The following CAST variants were observed in gnomAD, a reference collection of about 807,000 sequenced individuals.
The protein encoded by CAST is MIR583 host.
Under a neutral mutation model 119.6 loss-of-function variants are expected in CAST, and 76 were observed. The ratio of observed to expected loss-of-function variants is 0.64; its 90% CI spans 0.53 to 0.77. The LOEUF (loss-of-function observed/expected upper bound fraction) is 0.77, where lower values mean the gene tolerates loss of function less well. CAST is among the 30% of genes least tolerant of loss of function. The pLI, the probability that CAST is intolerant of heterozygous loss-of-function variation, is 0.00. For missense variants in CAST, 953 were observed against 946.5 expected (o/e 1.01, Z -0.09); for synonymous variants, 319 against 331.6 (o/e 0.96, Z 0.41).
chr5:96,337,594 G>T, the CAST span, among the ~76,000 whole-genome samples: 2 of 152,148 alleles, frequency 1.3e-5, no homozygotes, highest in African/African-American at 4.8e-5. Flanking sequence ...AGGGATCTGG[G>T]GACACCAGCT....
chr5:96,637,860 A>G (rs948316312), intron 1 of CAST, among the ~76,000 whole-genome samples: 1 of 152,230 alleles, frequency 6.6e-6, no homozygotes, highest in African/African-American at 2.4e-5. Flanking sequence ...TCAAAGATTT[A>G]AAGATTGGCC....
chr5:96,418,154 A>G, the CAST span, among the ~76,000 whole-genome samples: 4 of 152,228 alleles, frequency 2.6e-5, no homozygotes, highest in Admixed American at 6.5e-5. Flanking sequence ...ACAAATATGC[A>G]TTGACATGTT....
At chr5:96,635,223 G>A (rs138201358) in intron 1 of CAST, among the ~76,000 whole-genome samples, 7 of 152,292 alleles carry the variant, frequency 4.6e-5, no homozygotes, top group East Asian at 1.9e-4. Context: ...CCTGAGAAAG[G>A]CATTTTTGCT....
chr5:96,538,109 C>A (rs1031824000), intron 1 of CAST, among the ~76,000 whole-genome samples: 16 of 152,262 alleles, frequency 1.1e-4, no homozygotes, highest in African/African-American at 3.9e-4. Context: ...GGTTAAACAG[C>A]CAGCAAAAGA....
At chr5:96,409,306 A>G in the CAST span, among the ~76,000 whole-genome samples, 1 of 152,108 alleles carries the variant, frequency 6.6e-6, no homozygotes, top group African/African-American at 2.4e-5. Flanking sequence ...AATTTGTTCT[A>G]TTATCACCTC....
the CAST span, among the ~76,000 whole-genome samples, chr5:96,354,551 G>GT: frequency 4.0e-5 from 6 of 149,920 alleles, 1 homozygote; most frequent in African/African-American, 1.5e-4. Context: ...ATGTTGAAAT[G>GT]TAAAAAAAAA....
At chr5:96,404,863 T>C in the CAST span, among the ~76,000 whole-genome samples, 5 of 152,132 alleles carry the variant, frequency 3.3e-5, no homozygotes, top group Non-Finnish European at 7.4e-5. Context: ...GTTGTAAGCG[T>C]TATAATTAAT....
chr5:96,353,741 C>G, the CAST span, among the ~76,000 whole-genome samples: 2 of 151,520 alleles, frequency 1.3e-5, no homozygotes, highest in South Asian at 4.1e-4. Context: ...TTCCCCTACC[C>G]AAGGCTTTCA....
chr5:96,046,612 C>G, the CAST span, among the ~76,000 whole-genome samples: 1 of 152,218 alleles, frequency 6.6e-6, no homozygotes, highest in Non-Finnish European at 1.5e-5. Flanking sequence ...ATGGATGGCA[C>G]TGGCTCTGGC....
chr5:96,343,060 C>T, the CAST span, among the ~76,000 whole-genome samples: 1 of 152,114 alleles, frequency 6.6e-6, no homozygotes, highest in African/African-American at 2.4e-5. Flanking sequence ...ATCACAATTT[C>T]ATATTTTTAA....
rs551683285 is a variant in CAST at position 96,536,408 on chromosome 5, C to T, written c.60+6528C>T. On this transcript the variant is annotated intron_variant, in intron 1 of 11. Transcript: ENST00000505143. Reference sequence around the variant, plus strand: ...ACAGTGGAACAACAGTATCCAAAGGCAGTGAGATGTTGAATAGATGAAGTT... The same window carrying T: ...ACAGTGGAACAACAGTATCCAAAGGTAGTGAGATGTTGAATAGATGAAGTT... 4.6e-5 allele frequency among the ~76,000 whole-genome samples: 7 copies of T among 152,230 alleles called. 2 individuals are homozygous for T. Among genetic ancestry groups the T allele is most frequent in the African/African-American group, 1.4e-4 (6 of 41,526 alleles).
In CAST at chr5:96,774,367, A is replaced by C. The variant is rs1264737492; in HGVS notation, c.*1751A>C. On this transcript the variant is annotated 3_prime_UTR_variant, in exon 32 of 32. Transcript: ENST00000675179. The stretch of plus-strand genomic sequence containing the variant: ...TGAATATGCCTTCTTTTTTAATTAG[A>C]AATATCTTCGAGACTTGGGTGTTTG... The C allele has an allele frequency of 4.8e-5, 15 of 310,822 alleles. No homozygotes were observed. Among genetic ancestry groups the C allele is most frequent in the Admixed American group, 3.2e-4 (5 of 15,486 alleles). 19.3% of individuals were successfully genotyped at this position (310,822 alleles called of 1,614,324 possible).
chr5:96,585,640 T>G (rs559752410), intron 1 of CAST, among the ~76,000 whole-genome samples: 3 of 152,196 alleles, frequency 2.0e-5, no homozygotes, highest in Non-Finnish European at 2.9e-5. Context: ...AGCATTCTCT[T>G]GCTGGCAAAA....
At chr5:96,629,044 C>T (rs1278590191) in intron 1 of CAST, among the ~76,000 whole-genome samples, 1 of 151,818 alleles carries the variant, frequency 6.6e-6, no homozygotes, top group African/African-American at 2.4e-5. Flanking sequence ...CTGAATCCTG[C>T]TTCCATTCAC....
At chr5:96,680,919 CA>C (rs1403586262) in intron 2 of CAST, among the ~76,000 whole-genome samples, 1 of 152,244 alleles carries the variant, frequency 6.6e-6, no homozygotes, top group Non-Finnish European at 1.5e-5. Flanking sequence ...GCTCATGTCT[CA>C]GTGCCAAGAA....
chr5:96,227,999 C>G, the CAST span, among the ~76,000 whole-genome samples: 1 of 134,344 alleles, frequency 7.4e-6, no homozygotes, highest in South Asian at 2.3e-4. Context: ...CCCTCTTTCT[C>G]TCTCTGTGTG....
the CAST span, among the ~76,000 whole-genome samples, chr5:96,407,780 A>T: frequency 4.6e-5 from 7 of 152,336 alleles, no homozygotes; most frequent in Admixed American, 1.3e-4. Flanking sequence ...CTAGGCTTAC[A>T]TATTCAAAGA....
At chr5:96,160,654 A>T in the CAST span, among the ~76,000 whole-genome samples, 4 of 152,118 alleles carry the variant, frequency 2.6e-5, no homozygotes, top group African/African-American at 9.7e-5. Flanking sequence ...CCATATGGTA[A>T]CCCTATATTT....
At chr5:96,681,052 T>A (rs1580944026) in intron 2 of CAST, among the ~76,000 whole-genome samples, 1 of 152,274 alleles carries the variant, frequency 6.6e-6, no homozygotes, top group South Asian at 2.1e-4. Context: ...CTTGGGAGGC[T>A]AAAGTGACTC....
Sources: allele counts gnomAD v4.1 joint callset (sites outside exome capture counted in the v4.1 genomes callset), GRCh38; gene constraint gnomAD v4.1.1; transcripts MANE v1.5; gene names NCBI Gene and HGNC (gene_info 2026-07-23, HGNC 2026-07-21).